Variants in DZANK1 observed in about 807,000 individuals in gnomAD.
The protein encoded by DZANK1 is double zinc ribbon and ankyrin repeat domains 1, also known as double zinc ribbon and ankyrin repeat-containing protein 1.
A neutral mutation model predicts 94.5 loss-of-function variants in DZANK1; 91 were observed. The observed-to-expected ratio is 0.96, with a 90% CI of 0.81 to 1.15. The LOEUF is 1.15. Among genes scored for constraint, DZANK1 ranks in the 50% most tolerant of loss-of-function variants. The pLI is 0.00. For synonymous variants in DZANK1, 312 were observed against 325.3 expected, an observed-to-expected ratio of 0.96 and a Z score of 0.44; for missense variants, 903 against 916.4, an observed-to-expected ratio of 0.99 and a Z score of 0.19.
intron 10 of DZANK1, among the ~76,000 whole-genome samples, chr20:18,425,377 C>T (rs779545021): frequency 2.0e-4 from 31 of 152,156 alleles, no homozygotes; most frequent in Non-Finnish European, 3.8e-4. Flanking sequence ...ATGGTGAAAC[C>T]CCGTTTCTAC....
At chr20:18,458,313 A>G (rs1014419570) in intron 3 of DZANK1, among the ~76,000 whole-genome samples, 2 of 152,146 alleles carry the variant, frequency 1.3e-5, no homozygotes, top group African/African-American at 4.8e-5. Flanking sequence ...TGTTTTTTTT[A>G]AAGAAGAGAT....
At position 18,427,345 on chromosome 20, in the gene DZANK1, GT is replaced by G. The variant is rs386365634; in HGVS notation, c.862-187del. On this transcript the variant is annotated intron_variant, in intron 9 of 20. Coordinates refer to ENST00000262547, the Ensembl canonical transcript of DZANK1. ...GACAAATATCTGTAGGTTTTTTTGG[GT>G]TTTTTTTTTTCCATTTGTTTTTGTA... Among the ~76,000 whole-genome samples the G allele has an allele frequency of 7.6e-4, 112 of 146,486 alleles. No homozygotes were observed. The East Asian group carries it at 8.8e-3, about 11-fold the overall frequency.
At chr20:18,427,016 C>T in intron 10 of DZANK1, 51 bp downstream of exon 10, 1 of 1,353,242 alleles carries the variant, frequency 7.4e-7, no homozygotes, top group Non-Finnish European at 1.0e-6. Context: ...TTATCATTAA[C>T]ATTGACATAG....
chr20:18,393,299 A>G (rs1190530205), intron 17 of DZANK1, among the ~76,000 whole-genome samples: 2 of 152,192 alleles, frequency 1.3e-5, no homozygotes, highest in Non-Finnish European at 1.5e-5. Flanking sequence ...CACTCCCTCC[A>G]GGGACGTCTG....
intron 2 of DZANK1, among the ~76,000 whole-genome samples, chr20:18,464,304 C>T (rs2059571996): frequency 6.6e-6 from 1 of 152,174 alleles, no homozygotes; most frequent in African/African-American, 2.4e-5. Context: ...GATCCACCTG[C>T]CTCAGCCTCC....
Position 18,441,536 on chromosome 20 carries a change from A to G in DZANK1, c.747+1811T>C, listed in dbSNP as rs764803465. Among the ~76,000 whole-genome samples the G allele has an allele frequency of 4.5e-4, 68 of 152,228 alleles. 1 individual carries two copies. The highest frequency in any genetic ancestry group is 1.9e-3 in the Admixed American group (29 of 15,286). ...ATTCCAAACATAGGGAGGATCCCCTACCTCTGTGGCTGAGACAGAGAACCG... is the reference window on the plus strand; with the variant it reads ...ATTCCAAACATAGGGAGGATCCCCTGCCTCTGTGGCTGAGACAGAGAACCG... On this transcript the variant is annotated intron_variant, in intron 8 of 20. Transcript: ENST00000262547. The surrounding 1 kb of genome is among the most constrained non-coding windows in gnomAD (Gnocchi z 4.1).
intron 6 of DZANK1, among the ~76,000 whole-genome samples, chr20:18,451,058 G>C (rs1423685086): frequency 2.6e-5 from 4 of 152,162 alleles, no homozygotes; most frequent in African/African-American, 9.7e-5. Context: ...CGATTCTTCT[G>C]CCTCAGCCTC....
intron 13 of DZANK1, among the ~76,000 whole-genome samples, chr20:18,401,966 C>T (rs908723815): frequency 2.0e-5 from 3 of 152,170 alleles, no homozygotes; most frequent in African/African-American, 7.2e-5. Flanking sequence ...GTCATCTCTG[C>T]AGACAATCTA....
intron 7 of DZANK1, 79 bp from the exon 8 acceptor site, chr20:18,443,543 C>A: frequency 2.4e-6 from 2 of 820,014 alleles, no homozygotes; most frequent in South Asian, 4.2e-5. Context: ...TAAAAGCGGT[C>A]AAACAGTTTT....
exon 14 of DZANK1, chr20:18,398,549 A>G (rs2056488393): frequency 6.2e-7 from 1 of 1,614,000 alleles, no homozygotes; most frequent in Admixed American, 1.7e-5. Context: ...TCTGCAATCA[A>G]GGCCCGGAAT....
intron 11 of DZANK1, 55 bp from the exon 12 acceptor site, chr20:18,414,567 A>ATC: frequency 6.5e-7 from 1 of 1,535,450 alleles, no homozygotes; most frequent in Non-Finnish European, 8.8e-7. Flanking sequence ...CCTCATGTAA[A>ATC]TTATTCTCAT....
intron 7 of DZANK1, among the ~76,000 whole-genome samples, chr20:18,445,018 A>C (rs1162176546): frequency 6.6e-6 from 1 of 151,912 alleles, no homozygotes; most frequent in Non-Finnish European, 1.5e-5. Flanking sequence ...TGTGTTAGCC[A>C]AGATGATCTC....
intron 3 of DZANK1, among the ~76,000 whole-genome samples, chr20:18,455,867 G>A (rs1247987006): frequency 6.6e-6 from 1 of 152,168 alleles, no homozygotes; most frequent in Non-Finnish European, 1.5e-5. Flanking sequence ...CAGGTAGTCA[G>A]ACTTCCTCCA....
At chr20:18,449,325 A>G (rs2059008484) in intron 6 of DZANK1, among the ~76,000 whole-genome samples, 1 of 152,154 alleles carries the variant, frequency 6.6e-6, no homozygotes, top group Non-Finnish European at 1.5e-5. Flanking sequence ...CCATTATACA[A>G]TACATGTAAC....
At chr20:18,465,540 T>A in intron 1 of DZANK1, 163 bp from the exon 2 acceptor site, 1 of 305,164 alleles carries the variant, frequency 3.3e-6, no homozygotes, top group South Asian at 1.1e-4. Flanking sequence ...TCATCTGTAT[T>A]TGCTGTTGAG....
At chr20:18,396,678 G>T in intron 14 of DZANK1, 132 bp from the exon 15 acceptor site, 3 of 562,264 alleles carry the variant, frequency 5.3e-6, no homozygotes, top group Non-Finnish European at 9.0e-6. Context: ...AAGAAAGTAG[G>T]AAAAGAAAAA....
At chr20:18,395,743 C>T (rs192674973) in intron 15 of DZANK1, among the ~76,000 whole-genome samples, 1 of 152,316 alleles carries the variant, frequency 6.6e-6, no homozygotes, top group East Asian at 1.9e-4. Flanking sequence ...CTGCTTCTCT[C>T]ACTTCCCTTC....
chr20:18,463,458 G>A (rs754796255), intron 2 of DZANK1, among the ~76,000 whole-genome samples: 6 of 151,986 alleles, frequency 3.9e-5, no homozygotes, highest in Non-Finnish European at 8.8e-5. Context: ...ACCCAGGTAG[G>A]AAACCTGCAC....
At chr20:18,440,797 C>T (rs1477127521) in intron 8 of DZANK1, among the ~76,000 whole-genome samples, 1 of 152,240 alleles carries the variant, frequency 6.6e-6, no homozygotes, top group Non-Finnish European at 1.5e-5. Context: ...GGTAACAAGA[C>T]TGTCAGTTTC....
Sources: allele counts gnomAD v4.1 joint callset (sites outside exome capture counted in the v4.1 genomes callset), GRCh38; gene constraint gnomAD v4.1.1; non-coding constraint Gnocchi (gnomAD v3.1); transcripts MANE v1.5; gene names NCBI Gene and HGNC (gene_info 2026-07-23, HGNC 2026-07-21).